The following DLK2 variants were observed in gnomAD, a reference collection of about 807,000 sequenced individuals.
The protein encoded by DLK2 is protein delta homolog 2.
In DLK2, 9 loss-of-function variants were observed where a neutral mutation model predicts 31.3. That is an observed-to-expected ratio of 0.29 (90% CI 0.17 to 0.50). The LOEUF is 0.50. Ranked by LOEUF, DLK2 falls within the 20% of genes least tolerant of loss-of-function variation. The pLI, the probability that DLK2 is intolerant of heterozygous loss-of-function variation, is 0.98. For synonymous variants in DLK2, 169 were observed against 201.2 expected (o/e 0.84, Z 1.35); for missense variants, 387 against 526.1 (o/e 0.74, Z 2.59).
rs1562212885 is a variant in DLK2 at position 43,451,640 on chromosome 6, G to A, written c.416+300C>T. ...AGGGTGCAAGCCAGCGTTCAGGAGA[G>A]GATGAGGAGAGACCCAGGCCCTTCA... On this transcript the variant is annotated intron_variant, in intron 5 of 5. Transcript: ENST00000372488. This position sits in a 1 kb window ranked among gnomAD's most constrained non-coding sequence, Gnocchi z 4.4. 6.6e-6 allele frequency among the ~76,000 whole-genome samples: 1 copy of A among 152,138 alleles called. No individual in the cohort carries two copies. Among genetic ancestry groups the A allele is most frequent in the African/African-American group, 2.4e-5 (1 of 41,424 alleles).
Position 43,453,836 on chromosome 6 carries a change from C to T in DLK2, c.140+575G>A, listed in dbSNP as rs1783870850. Among the ~76,000 whole-genome samples the T allele has an allele frequency of 6.6e-6, 1 of 151,590 alleles. No homozygotes were observed. The highest frequency in any genetic ancestry group is 2.4e-5 in the African/African-American group (1 of 41,418). On this transcript the variant is annotated intron_variant, in intron 3 of 5. Coordinates refer to ENST00000372488, the MANE Select transcript of DLK2 (RefSeq NM_023932.4). The surrounding 1 kb of genome is among the most constrained non-coding windows in gnomAD (Gnocchi z 4.1). The stretch of plus-strand genomic sequence containing the variant: ...AACAAAAAAGGTCATCAGGACTATC[C>T]TCCCACCATGATTCCAGGGCAAACA...
intron 4 of DLK2, among the ~76,000 whole-genome samples, chr6:43,452,439 G>A (rs141121861): frequency 1.8e-4 from 28 of 152,162 alleles, no homozygotes; most frequent in African/African-American, 6.0e-4. Flanking sequence ...ACATTAGGCC[G>A]GTACAGTGGC....
chr6:43,454,689 TCAACGTGCAAGCGAGGACGGCTGGA>T, intron 2 of DLK2, 36 bp downstream of exon 2: 1 of 1,523,362 alleles, frequency 6.6e-7, no homozygotes, highest in Non-Finnish European at 8.8e-7. Context: ...CCGGCAGAGG[TCAACGTGCAAGCGAGGACGGCTGGA>T]CAGGGCCGCG....
intron 2 of DLK2, 61 bp from the exon 3 acceptor site, chr6:43,454,535 G>A (rs902447006): frequency 2.1e-5 from 32 of 1,504,454 alleles, no homozygotes; most frequent in Non-Finnish European, 2.5e-5. Flanking sequence ...CTGGGATGCG[G>A]GACTCAGGAG....
chr6:43,450,646 A>G lies in DLK2; in HGVS notation c.1045T>C (p.Tyr349His), dbSNP rs1250499791. 11 of 1,613,504 alleles carry G rather than the reference A, an allele frequency of 6.8e-6. No individual in the cohort carries two copies. Among genetic ancestry groups the G allele is most frequent in the Non-Finnish European group, 9.3e-6 (11 of 1,179,800 alleles). The change falls in exon 6 of 6, where the codon TAT becomes CAT. Residue 349 changes from tyrosine to histidine, a missense_variant. By Grantham distance (83) the Tyr-to-His change is moderately conservative. Coordinates refer to ENST00000372488, the MANE Select transcript of DLK2 (RefSeq NM_023932.4). This position sits in a 1 kb window ranked among gnomAD's most constrained non-coding sequence, Gnocchi z 4.5. ...PGPCCYPAPH[Y>H]APACQDQECQ... ...TCCTGGTCCTGGCACGCTGGAGCATAGTGTGGGGCAGGGTAGCAACAGGGT... is the reference window on the plus strand; with the variant it reads ...TCCTGGTCCTGGCACGCTGGAGCATGGTGTGGGGCAGGGTAGCAACAGGGT...
In DLK2 at chr6:43,450,564, T is replaced by C; in HGVS notation, c.1127A>G (p.Glu376Gly). The C allele has an allele frequency of 6.4e-7, 1 of 1,571,186 alleles. No individual in the cohort carries two copies. ...TCACAGTGCTGTGGTCTTTCCAGGC[T>C]CAGGGGGCAAGTCACGTGGCAGGGG... ...GLPLPRDLPPEPGKTTAL is the reference protein window; with the variant it reads ...GLPLPRDLPPGPGKTTAL The change falls in exon 6 of 6, where the codon GAG becomes GGG. Residue 376 changes from glutamate to glycine, a missense_variant. By Grantham distance (98) the Glu-to-Gly change is moderately conservative. Transcript: ENST00000372488. This position sits in a 1 kb window ranked among gnomAD's most constrained non-coding sequence, Gnocchi z 4.5.
chr6:43,451,365 C>A lies in DLK2; in HGVS notation c.417-91G>T. ...GTATCCTGACCACTGCCCGCCATGT[C>A]ATCTTGGGCTACACACTCCGAGCCT... is the stretch of plus-strand genomic sequence containing the variant. On this transcript the variant is annotated intron_variant, in intron 5 of 5. Transcript: ENST00000372488. This position sits in a 1 kb window ranked among gnomAD's most constrained non-coding sequence, Gnocchi z 4.4. 6.8e-7 allele frequency: 1 copy of A among 1,480,722 alleles called. No individual in the cohort carries two copies. The highest frequency in any genetic ancestry group is 1.3e-5 in the South Asian group (1 of 74,854). 91.7% of individuals were successfully genotyped at this position (1,480,722 alleles called of 1,614,324 possible).
Position 43,450,389 on chromosome 6 carries a change from T to A in DLK2, c.*150A>T. The A allele has an allele frequency of 9.3e-7, 1 of 1,074,326 alleles. No individual in the cohort carries two copies. Among genetic ancestry groups the A allele is most frequent in the Non-Finnish European group, 1.3e-6 (1 of 776,274 alleles). The allele number at this position is 1,074,326 out of a possible 1,614,324, so 66.5% of individuals were successfully genotyped here. On this transcript the variant is annotated 3_prime_UTR_variant, in exon 6 of 6. Coordinates refer to ENST00000372488, the MANE Select transcript of DLK2 (RefSeq NM_023932.4). This position sits in a 1 kb window ranked among gnomAD's most constrained non-coding sequence, Gnocchi z 4.5. ...AGTTTTATTTGATAAAATTCCATCT[T>A]ACATTCTGTGTATTAAAAAAATAAT...
In DLK2 at chr6:43,450,883, C is replaced by T. The variant is rs1454844426; in HGVS notation, c.808G>A (p.Val270Ile). 3.1e-6 allele frequency: 5 copies of T among 1,614,196 alleles called. No homozygotes were observed. Among genetic ancestry groups the T allele is most frequent in the Non-Finnish European group, 4.2e-6 (5 of 1,180,000 alleles). Residue 270 changes from valine to isoleucine, a missense_variant, in exon 6 of 6, where the codon GTA becomes ATA. Coordinates refer to ENST00000372488, the MANE Select transcript of DLK2 (RefSeq NM_023932.4). The surrounding 1 kb of genome is among the most constrained non-coding windows in gnomAD (Gnocchi z 4.5). ...VDTPLGPTSA[V>I]VVPATGPAPH... Reference sequence around the variant, plus strand: ...GCTGGCCCCGTGGCAGGTACCACTACAGCTGAGGTGGGCCCTAGAGGGGTG... The same window carrying T: ...GCTGGCCCCGTGGCAGGTACCACTATAGCTGAGGTGGGCCCTAGAGGGGTG...
At position 43,451,317 on chromosome 6, in the gene DLK2, C is replaced by T; in HGVS notation, c.417-43G>A. Reference sequence around the variant, plus strand: ...GAGGACATGATAACCAACTTACCAACACCTGTAGGGCAGCCCAGGTCAGTA... The same window carrying T: ...GAGGACATGATAACCAACTTACCAATACCTGTAGGGCAGCCCAGGTCAGTA... On this transcript the variant is annotated intron_variant, in intron 5 of 5. Coordinates refer to ENST00000372488, the MANE Select transcript of DLK2 (RefSeq NM_023932.4). This position sits in a 1 kb window ranked among gnomAD's most constrained non-coding sequence, Gnocchi z 4.4. 6.3e-7 allele frequency: 1 copy of T among 1,590,772 alleles called. No individual in the cohort carries two copies. Among genetic ancestry groups the T allele is most frequent in the Non-Finnish European group, 8.6e-7 (1 of 1,168,168 alleles).
At chr6:43,455,197 C>T (rs944109847) in intron 1 of DLK2, 198 bp downstream of exon 1, 11 of 660,188 alleles carry the variant, frequency 1.7e-5, no homozygotes, top group Non-Finnish European at 1.9e-5. Context: ...GAGAGGCGGC[C>T]TCGAGCACGG....
At chr6:43,455,639 T>A (rs944069361), upstream of DLK2, 16 of 47,986 alleles carry the variant, frequency 3.3e-4, no homozygotes, top group Non-Finnish European at 5.3e-4. Context: ...CCCACCCCCA[T>A]CCCCCCCCCC....
rs1454675330 is a variant in DLK2 at position 43,454,833 on chromosome 6, G to A, written c.-8C>T. 1.3e-6 allele frequency: 2 copies of A among 1,544,264 alleles called. No individual in the cohort carries two copies. Among genetic ancestry groups the A allele is most frequent in the Non-Finnish European group, 1.7e-6 (2 of 1,150,970 alleles). On this transcript the variant is annotated 5_prime_UTR_variant, in exon 2 of 6. Transcript: ENST00000372488. Reference sequence around the variant, plus strand: ...GCGGCAGCCGCTGGGCATGGTCAGCGCCGGCCCCAGGAGGGACGGACGGAT... The same window carrying A: ...GCGGCAGCCGCTGGGCATGGTCAGCACCGGCCCCAGGAGGGACGGACGGAT...
chr6:43,455,089 G>A (rs1783925164), intron 1 of DLK2: 1 of 985,222 alleles, frequency 1.0e-6, no homozygotes, highest in Non-Finnish European at 1.2e-6. Context: ...TCTGCAAGGA[G>A]GGGAAAGATG....
intron 1 of DLK2, 108 bp from the exon 2 acceptor site, chr6:43,454,988 A>T: frequency 2.0e-4 from 219 of 1,079,678 alleles, no homozygotes; most frequent in East Asian, 1.4e-3. Context: ...GGACAGAAGA[A>T]GGGGATGGGG....
At chr6:43,454,359 G>A (rs1783889212) in intron 3 of DLK2, 52 bp downstream of exon 3, 1 of 1,545,294 alleles carries the variant, frequency 6.5e-7, no homozygotes, top group South Asian at 1.2e-5. Flanking sequence ...GCACGTGAAG[G>A]GCTTAGAAAT....
In DLK2 at chr6:43,451,118, G is replaced by A. The variant is rs377583675; in HGVS notation, c.573C>T (p.Asp191=). The part of the protein sequence containing the change: ...RPCANGATCL[D]GINRFSCLCP... ...AGAGGCAGGAGAAGCGGTTTATGCC[G>A]TCAAGGCAGGTGGCACCGTTAGCAC... The change falls in exon 6 of 6, where the codon GAC becomes GAT. Residue 191 remains aspartate (D), a synonymous_variant. Coordinates refer to ENST00000372488, the MANE Select transcript of DLK2 (RefSeq NM_023932.4). This position sits in a 1 kb window ranked among gnomAD's most constrained non-coding sequence, Gnocchi z 4.4. 367 of 1,614,234 alleles carry A rather than the reference G, an allele frequency of 2.3e-4. 3 individuals carry two copies. The South Asian group carries it at 3.4e-3, about 15-fold the overall frequency.
rs1298528964 is a variant in DLK2, at chr6:43,453,284, G to A, written c.141-149C>T. 1.2e-5 allele frequency: 13 copies of A among 1,045,050 alleles called. No homozygotes were observed. In the East Asian group the frequency reaches 3.3e-4, roughly 27 times the overall value. The allele number at this position is 1,045,050 out of a possible 1,614,324, so 64.7% of individuals were successfully genotyped here. A position where few individuals can be genotyped will look rare whatever the true frequency, so the allele number is the denominator to read the frequency against. On this transcript the variant is annotated intron_variant, in intron 3 of 5. Coordinates refer to ENST00000372488, the MANE Select transcript of DLK2 (RefSeq NM_023932.4). The surrounding 1 kb of genome is among the most constrained non-coding windows in gnomAD (Gnocchi z 4.1). Reference sequence around the variant, plus strand: ...CCCAGGTAGGTGTAGGACTGTGCAGGGTCATAGGACACATATACGGAATCA... The same window carrying A: ...CCCAGGTAGGTGTAGGACTGTGCAGAGTCATAGGACACATATACGGAATCA...
chr6:43,454,304 G>T, intron 3 of DLK2, 107 bp downstream of exon 3: 1 of 1,058,028 alleles, frequency 9.5e-7, no homozygotes, highest in Non-Finnish European at 1.4e-6. Context: ...CCATAGGAGT[G>T]ATGAGGCATG....
Sources: gnomAD v4.1 joint callset for allele counts (sites outside exome capture counted in the v4.1 genomes callset) on GRCh38, gnomAD v4.1.1 for gene constraint, Gnocchi (gnomAD v3.1) non-coding constraint, MANE v1.5 for transcripts, NCBI Gene and HGNC (gene_info 2026-07-23, HGNC 2026-07-21) for gene names.